The following LONP1 variants were observed in gnomAD, a reference collection of about 807,000 sequenced individuals.
The protein encoded by LONP1 is lon protease homolog, mitochondrial.
In LONP1, 31 loss-of-function variants were observed where a neutral mutation model predicts 98.5. The observed-to-expected ratio is 0.31, with a 90% CI of 0.24 to 0.42. The LOEUF (loss-of-function observed/expected upper bound fraction) is 0.42, where lower values mean the gene tolerates loss of function less well. LONP1 is among the 20% of genes least tolerant of loss of function. The pLI, the probability that LONP1 is intolerant of heterozygous loss-of-function variation, is 1.00. For synonymous variants in LONP1, 781 were observed against 594.7 expected (o/e 1.31, Z -4.56); for missense variants, 1,336 against 1,350.6 (o/e 0.99, Z 0.17).
chr19:5,703,641 C>T (rs556111417), intron 8 of LONP1, among the ~76,000 whole-genome samples: 3 of 151,656 alleles, frequency 2.0e-5, no homozygotes, highest in South Asian at 2.1e-4. Context: ...CGAGACGCAC[C>T]GGGACAGGCC....
chr19:5,699,211 G>C lies in LONP1; in HGVS notation c.1507-6C>G, dbSNP rs1568316139. 1 of 1,494,210 alleles carries C rather than the reference G, an allele frequency of 6.7e-7. No individual in the cohort carries two copies. The highest frequency in any genetic ancestry group is 9.0e-7 in the Non-Finnish European group (1 of 1,116,646). The allele number at this position is 1,494,210 out of a possible 1,614,324, so 92.6% of individuals were successfully genotyped here. A position where few individuals can be genotyped will look rare whatever the true frequency, so the allele number is the denominator to read the frequency against. On this transcript the variant is annotated splice_polypyrimidine_tract_variant and splice_region_variant and intron_variant, in intron 9 of 17. Coordinates refer to ENST00000360614, the MANE Select transcript of LONP1 (RefSeq NM_004793.4). ...TGGCTAACGGCAATGAACTCCTGCA[G>C]ACAGAGGCAGGTTCAGTGGGCACGT...
rs751675164 is a variant in LONP1 at position 5,716,012 on chromosome 19, G to C, written c.430-1741C>G. 2.0e-5 allele frequency among the ~76,000 whole-genome samples: 3 copies of C among 151,790 alleles called. No individual in the cohort carries two copies. In the East Asian group the frequency reaches 5.8e-4, roughly 30 times the overall value. ...TGTCTTCTAAGAAGCATTTGAAGGC[G>C]CAAGGAGCTCACCTGATTTCTTTCA... On this transcript the variant is annotated intron_variant, in intron 1 of 17. Coordinates refer to ENST00000360614, the MANE Select transcript of LONP1 (RefSeq NM_004793.4).
In LONP1 at chr19:5,707,057, C is replaced by T. The variant is rs554623214; in HGVS notation, c.1146+3G>A. The T allele has an allele frequency of 1.2e-6, 2 of 1,609,744 alleles. No individual in the cohort carries two copies. Among genetic ancestry groups the T allele is most frequent in the South Asian group, 2.2e-5 (2 of 90,806 alleles). ...AGTGGCTGCGCCTCAGCCGCGGGCT[C>T]ACCTCCCGCCCCAGGCGCTGCTGCA... On this transcript the variant is annotated splice_donor_region_variant and intron_variant, in intron 7 of 17. Transcript: ENST00000360614.
chr19:5,717,086 G>A (rs1251164570), intron 1 of LONP1, among the ~76,000 whole-genome samples: 3 of 152,132 alleles, frequency 2.0e-5, no homozygotes, highest in Non-Finnish European at 4.4e-5. Context: ...GAGCCACCGC[G>A]CCCAGCCCAC....
chr19:5,720,384 C>T (rs2055425803), upstream of LONP1: 1 of 598,140 alleles, frequency 1.7e-6, no homozygotes, highest in Non-Finnish European at 2.8e-6. Context: ...GCGCCAGCGC[C>T]CGTACAAAAC....
At chr19:5,715,516 C>G (rs1250505185) in intron 1 of LONP1, among the ~76,000 whole-genome samples, 2 of 150,506 alleles carry the variant, frequency 1.3e-5, no homozygotes, top group Non-Finnish European at 3.0e-5. Context: ...GTGGCGGGCA[C>G]CTGTAGTCCC....
At chr19:5,701,315 G>A (rs1475300728) in intron 8 of LONP1, among the ~76,000 whole-genome samples, 1 of 151,864 alleles carries the variant, frequency 6.6e-6, no homozygotes, top group African/African-American at 2.4e-5. Context: ...CTCTGCCTCT[G>A]CCCTCTGCCT....
chr19:5,716,259 C>CATATATATATATAT (rs3082272), intron 1 of LONP1, among the ~76,000 whole-genome samples: 928 of 77,012 alleles, frequency 0.012, 72 homozygotes, highest in Non-Finnish European at 0.013. Flanking sequence ...TTAAAATATA[C>CATATATATATATAT]ATATATATAT....
chr19:5,715,070 A>T (rs933572981), intron 1 of LONP1: 11 of 145,758 alleles, frequency 7.5e-5, no homozygotes, highest in Admixed American at 6.9e-4. Flanking sequence ...AAAAAAAAAA[A>T]GTGCTGGAGG....
intron 11 of LONP1, 78 bp downstream of exon 11, chr19:5,696,592 C>T: frequency 6.8e-7 from 1 of 1,477,092 alleles, no homozygotes; most frequent in Non-Finnish European, 9.3e-7. Flanking sequence ...CTCGGGGATC[C>T]TAGGACCCGG....
chr19:5,696,827 C>G (rs1599450259), intron 10 of LONP1, 70 bp from the exon 11 acceptor site: 1 of 1,069,576 alleles, frequency 9.3e-7, no homozygotes, highest in African/African-American at 1.6e-5. Flanking sequence ...CATGCACCCT[C>G]CAGGGCCACA....
At chr19:5,720,318 G>C, upstream of LONP1, 1 of 870,058 alleles carries the variant, frequency 1.1e-6, no homozygotes. Flanking sequence ...GCCTCTTCCG[G>C]TCTCCCACTT....
intron 9 of LONP1, among the ~76,000 whole-genome samples, chr19:5,700,582 G>A (rs547974575): frequency 4.6e-5 from 7 of 152,302 alleles, no homozygotes; most frequent in South Asian, 2.1e-4. Flanking sequence ...TGCCCGGCCC[G>A]TCAGGCATGA....
intron 17 of LONP1, 158 bp from the exon 18 acceptor site, chr19:5,692,366 A>G: frequency 3.2e-6 from 2 of 633,462 alleles, no homozygotes; most frequent in South Asian, 4.8e-5. Flanking sequence ...CCCGTCTCCC[A>G]CGGGGAAACA....
chr19:5,696,678 T>A lies in LONP1; in HGVS notation c.1765A>T (p.Ile589Phe), dbSNP rs368178461. The A allele has an allele frequency of 4.3e-5, 69 of 1,611,734 alleles. No homozygotes were observed. The highest frequency in any genetic ancestry group is 1.6e-4 in the Middle Eastern group (1 of 6,080). ...GGCCTCTCCGCACGCACCTCGTCGA[T>A]GAGGATCAGGGGGTTCTCCGTCTTG... ...KTKTENPLIL[I>F]DEVDKIGRGY... is the part of the protein sequence containing the mutation. Residue 589 changes from isoleucine to phenylalanine, a missense_variant, in exon 11 of 18, where the codon ATC (isoleucine) becomes TTC (phenylalanine). This residue lies in a region of LONP1 where 555 missense variants were observed against 542.6 expected (regional missense o/e 1.02). Coordinates refer to ENST00000360614, the MANE Select transcript of LONP1 (RefSeq NM_004793.4).
At chr19:5,716,749 C>T (rs1220111641) in intron 1 of LONP1, among the ~76,000 whole-genome samples, 2 of 152,150 alleles carry the variant, frequency 1.3e-5, no homozygotes, top group African/African-American at 4.8e-5. Context: ...GGGTGCTCCT[C>T]GCAGATGGAA....
chr19:5,720,450 C>T, upstream of LONP1: 3 of 592,604 alleles, frequency 5.1e-6, no homozygotes, highest in South Asian at 6.1e-5. Context: ...TGTGCACATG[C>T]TTAGGCGCGC....
chr19:5,696,347 G>T lies in LONP1; in HGVS notation c.1798C>A (p.Gln600Lys), dbSNP rs1347541493. The T allele has an allele frequency of 1.9e-6, 3 of 1,613,022 alleles. No individual in the cohort carries two copies. The African/African-American group carries it at 4.0e-5, about 22-fold the overall frequency. Residue 600 changes from glutamine to lysine, a missense_variant, in exon 12 of 18, where the codon CAG becomes AAG. This residue lies in a region of LONP1 where 555 missense variants were observed against 542.6 expected (regional missense o/e 1.02). Transcript: ENST00000360614. ...DEVDKIGRGY[Q>K]GDPSSALLEL... ...AGCAGTGCCGACGACGGGTCCCCCT[G>T]GTAGCCTCGGCCGATCTTGTCCACC...
intron 17 of LONP1, 49 bp from the exon 18 acceptor site, chr19:5,692,257 C>T (rs368119745): frequency 5.3e-5 from 82 of 1,556,172 alleles, no homozygotes; most frequent in Non-Finnish European, 6.8e-5. Flanking sequence ...GGGAGGGCAG[C>T]AGGTGTGCTA....
Sources: gnomAD v4.1 joint callset for allele counts (sites outside exome capture counted in the v4.1 genomes callset) on GRCh38, gnomAD v4.1.1 for gene constraint, gnomAD v4.1.1 regional missense constraint, MANE v1.5 for transcripts, NCBI Gene and HGNC (gene_info 2026-07-23, HGNC 2026-07-21) for gene names.